The following SSBP2 variants were observed in gnomAD, a reference collection of about 807,000 sequenced individuals.
SSBP2 encodes the protein single stranded DNA binding protein 2, also known as single-stranded DNA-binding protein 2.
Under a neutral mutation model 61.8 loss-of-function variants are expected in SSBP2, and 17 were observed. That is an observed-to-expected ratio of 0.28 (90% CI 0.19 to 0.41). The LOEUF (loss-of-function observed/expected upper bound fraction) is 0.41, where lower values mean the gene tolerates loss of function less well. SSBP2 is among the 10% of genes least tolerant of loss of function. The probability of loss-of-function intolerance (pLI) is 1.00; values close to 1 mark genes in which losing one functional copy is unlikely to be tolerated. For missense variants in SSBP2, 310 were observed against 458.7 expected, an observed-to-expected ratio of 0.68 and a Z score of 2.96; for synonymous variants, 139 against 141.3, an observed-to-expected ratio of 0.98 and a Z score of 0.12.
At chr5:81,676,958 ACT>A (rs1561681657) in intron 1 of SSBP2, among the ~76,000 whole-genome samples, 1 of 152,068 alleles carries the variant, frequency 6.6e-6, no homozygotes, top group Non-Finnish European at 1.5e-5. Context: ...AGTCCTCATA[ACT>A]CTATCAGAAA....
intron 4 of SSBP2, among the ~76,000 whole-genome samples, chr5:81,563,983 A>C (rs1581034501): frequency 6.6e-6 from 1 of 152,176 alleles, no homozygotes; most frequent in Non-Finnish European, 1.5e-5. Context: ...CCATATATCT[A>C]ATATCTAATA....
chr5:81,552,256 G>A (rs140765298), intron 4 of SSBP2, among the ~76,000 whole-genome samples: 2 of 152,136 alleles, frequency 1.3e-5, no homozygotes, highest in East Asian at 3.8e-4. Context: ...TATGTATTTA[G>A]AATAAATATC....
chr5:81,644,838 C>G (rs1749119703), intron 2 of SSBP2, among the ~76,000 whole-genome samples: 1 of 152,122 alleles, frequency 6.6e-6, no homozygotes, highest in African/African-American at 2.4e-5. Context: ...TTGCAACAAT[C>G]TACAATATTA....
intron 1 of SSBP2, among the ~76,000 whole-genome samples, chr5:81,655,893 T>G (rs191179476): frequency 5.3e-5 from 8 of 152,302 alleles, no homozygotes; most frequent in African/African-American, 1.9e-4. Flanking sequence ...GCTTCATGAA[T>G]TCAATATCTA....
At chr5:81,514,889 G>C (rs898189553) in intron 4 of SSBP2, among the ~76,000 whole-genome samples, 1 of 151,934 alleles carries the variant, frequency 6.6e-6, no homozygotes, top group Non-Finnish European at 1.5e-5. Context: ...TATCTGAAAT[G>C]TTGCTTACCT....
Position 81,530,947 on chromosome 5 carries a change from G to A in SSBP2, c.283-17230C>T, listed in dbSNP as rs1770344727. On this transcript the variant is annotated intron_variant, in intron 4 of 16. Transcript: ENST00000320672. ...AAGAATATAATTTCAGACTGCGCATGGTGGCTCATGCCTGTAATTTGGCAA... is the reference window on the plus strand; with the variant it reads ...AAGAATATAATTTCAGACTGCGCATAGTGGCTCATGCCTGTAATTTGGCAA... 2.0e-5 allele frequency among the ~76,000 whole-genome samples: 3 copies of A among 152,114 alleles called. No individual in the cohort carries two copies. The South Asian group carries it at 6.2e-4, about 32-fold the overall frequency.
At chr5:81,458,964 T>C (rs1171305851) in intron 10 of SSBP2, among the ~76,000 whole-genome samples, 1 of 152,216 alleles carries the variant, frequency 6.6e-6, no homozygotes, top group African/African-American at 2.4e-5. Flanking sequence ...TCCACTTCTT[T>C]TCCCTATTCT....
intron 4 of SSBP2, among the ~76,000 whole-genome samples, chr5:81,597,108 T>G (rs1220712833): frequency 6.6e-6 from 1 of 152,094 alleles, no homozygotes; most frequent in African/African-American, 2.4e-5. Context: ...TGCAACCTAC[T>G]CATCTGACAA....
chr5:81,740,994 A>C (rs1232924587), intron 1 of SSBP2, among the ~76,000 whole-genome samples: 4 of 152,168 alleles, frequency 2.6e-5, no homozygotes, highest in African/African-American at 9.7e-5. Flanking sequence ...GCCACCTCCC[A>C]CAACTTCCAT....
intron 1 of SSBP2, among the ~76,000 whole-genome samples, chr5:81,721,554 C>A (rs914443881): frequency 6.6e-6 from 1 of 152,016 alleles, no homozygotes. Flanking sequence ...AAATCTAATT[C>A]TTTAGCAGTT....
At chr5:81,614,292 G>A (rs1367681009) in intron 4 of SSBP2, among the ~76,000 whole-genome samples, 2 of 149,118 alleles carry the variant, frequency 1.3e-5, no homozygotes, top group Non-Finnish European at 3.0e-5. Flanking sequence ...CCCGGGAGGC[G>A]GAGCTTGCAG....
intron 4 of SSBP2, among the ~76,000 whole-genome samples, chr5:81,577,138 G>A (rs1309497171): frequency 1.3e-5 from 2 of 151,960 alleles, no homozygotes; most frequent in Non-Finnish European, 2.9e-5. Context: ...GGTTATATGA[G>A]CCGTGTGTAA....
chr5:81,473,040 G>A (rs1273110528), intron 8 of SSBP2, among the ~76,000 whole-genome samples: 1 of 152,210 alleles, frequency 6.6e-6, no homozygotes, highest in African/African-American at 2.4e-5. Context: ...ACAGCACACT[G>A]TTAAAGTATG....
chr5:81,552,466 C>T (rs1772272823), intron 4 of SSBP2, among the ~76,000 whole-genome samples: 1 of 151,936 alleles, frequency 6.6e-6, no homozygotes. Flanking sequence ...TGGTAAAACC[C>T]TGTCTCTACT....
At chr5:81,522,889 T>C (rs982845857) in intron 4 of SSBP2, among the ~76,000 whole-genome samples, 1 of 152,094 alleles carries the variant, frequency 6.6e-6, no homozygotes, top group Non-Finnish European at 1.5e-5. Context: ...ATCCACAGAA[T>C]AGTATTCAAT....
rs60355265 is a variant in SSBP2, at chr5:81,747,022, TGG to T, written c.62+3957_62+3958del. Among the ~76,000 whole-genome samples the T allele has an allele frequency of 1.8e-3, 153 of 87,260 alleles. 4 individuals are homozygous for T. The highest frequency in any genetic ancestry group is 9.6e-3 in the Admixed American group (67 of 7,012). 57.2% of individuals were successfully genotyped at this position (87,260 alleles called of 152,430 possible). A position where few individuals can be genotyped will look rare whatever the true frequency, so the allele number is the denominator to read the frequency against. ...AAAACAAGCAATCAAACAAAATTCC[TGG>T]GGGGGGGGGGAATCTGAAGAAACAA... On this transcript the variant is annotated intron_variant, in intron 1 of 16. Coordinates refer to ENST00000320672, the MANE Select transcript of SSBP2 (RefSeq NM_012446.5).
At chr5:81,731,232 A>T (rs966228715) in intron 1 of SSBP2, among the ~76,000 whole-genome samples, 3 of 152,238 alleles carry the variant, frequency 2.0e-5, no homozygotes, top group Non-Finnish European at 4.4e-5. Context: ...GAACATCATT[A>T]TGTTCCTTGG....
intron 4 of SSBP2, among the ~76,000 whole-genome samples, chr5:81,551,023 G>C (rs938381429): frequency 1.3e-5 from 2 of 148,552 alleles, no homozygotes; most frequent in East Asian, 3.9e-4. Context: ...ATGAACCCGG[G>C]AGGTAGATCT....
chr5:81,455,625 CAAAAAAAA>C (rs537363119), intron 10 of SSBP2, among the ~76,000 whole-genome samples: 4 of 12,562 alleles, frequency 3.2e-4, no homozygotes, highest in Non-Finnish European at 4.2e-4. Flanking sequence ...GACTCCGTCT[CAAAAAAAA>C]AAAAAAAAAA....
Sources: gnomAD v4.1 joint callset for allele counts (sites outside exome capture counted in the v4.1 genomes callset) on GRCh38, gnomAD v4.1.1 for gene constraint, MANE v1.5 for transcripts, NCBI Gene and HGNC (gene_info 2026-07-23, HGNC 2026-07-21) for gene names.